Variants in IGSF21 observed in about 807,000 individuals in gnomAD.
The protein encoded by IGSF21 is immunoglobulin superfamily member 21.
IGSF21 carries 28 observed loss-of-function variants against 46.8 expected under a neutral mutation model. The ratio of observed to expected loss-of-function variants is 0.60; its 90% CI spans 0.44 to 0.82. IGSF21 has a LOEUF of 0.82. IGSF21 is among the 40% of genes least tolerant of loss of function. The probability of loss-of-function intolerance (pLI) is 0.00; values close to 1 mark genes in which losing one functional copy is unlikely to be tolerated. For synonymous variants in IGSF21, 284 were observed against 273.6 expected, an observed-to-expected ratio of 1.04 and a Z score of -0.38; for missense variants, 624 against 665.5, an observed-to-expected ratio of 0.94 and a Z score of 0.69.
In IGSF21 at chr1:18,204,800, G is replaced by T. The variant is rs557513046; in HGVS notation, c.71-23098G>T. Among the ~76,000 whole-genome samples, 21 of 152,298 alleles carry T rather than the reference G, an allele frequency of 1.4e-4. 1 individual carries two copies. In the South Asian group the frequency reaches 3.7e-3, roughly 27 times the overall value. Reference sequence around the variant, plus strand: ...TTCATGACCTGGTTTTAGCCCAGAGGCAGGGGGATGACTGAGTTGACCTTT... The same window carrying T: ...TTCATGACCTGGTTTTAGCCCAGAGTCAGGGGGATGACTGAGTTGACCTTT... On this transcript the variant is annotated intron_variant, in intron 1 of 9. Transcript: ENST00000251296.
chr1:18,252,160 C>A (rs1038360646), intron 2 of IGSF21, among the ~76,000 whole-genome samples: 2 of 147,102 alleles, frequency 1.4e-5, no homozygotes, highest in South Asian at 4.4e-4. Context: ...ATGCCATTCT[C>A]CTGCCTCAGC....
chr1:18,290,365 G>T lies in IGSF21; in HGVS notation c.184-1501G>T, dbSNP rs551521924. Among the ~76,000 whole-genome samples the T allele has an allele frequency of 6.6e-6, 1 of 152,326 alleles. No individual in the cohort carries two copies. Among genetic ancestry groups the T allele is most frequent in the Admixed American group, 6.5e-5 (1 of 15,308 alleles). On this transcript the variant is annotated intron_variant, in intron 2 of 9. Coordinates refer to ENST00000251296, the MANE Select transcript of IGSF21 (RefSeq NM_032880.5). This position sits in a 1 kb window ranked among gnomAD's most constrained non-coding sequence, Gnocchi z 4.2. ...TGTCGCTAAGTCCCGACAGAGATAG[G>T]AGGGGTGTGGGCTTACGGAGGGGTA...
At chr1:18,265,965 G>A (rs1392758387) in intron 2 of IGSF21, among the ~76,000 whole-genome samples, 1 of 152,196 alleles carries the variant, frequency 6.6e-6, no homozygotes, top group African/African-American at 2.4e-5. Flanking sequence ...CTGAGGGAGA[G>A]GCTTTTAGGG....
Position 18,365,710 on chromosome 1 carries a change from G to A in IGSF21, c.1015+13G>A, listed in dbSNP as rs1357959898. On this transcript the variant is annotated intron_variant, in intron 6 of 9. Coordinates refer to ENST00000251296, the MANE Select transcript of IGSF21 (RefSeq NM_032880.5). The surrounding 1 kb of genome is among the most constrained non-coding windows in gnomAD (Gnocchi z 4.8). ...GAGGTCACGCTGGGTAAGACTTGGT[G>A]GGGGCCCTTCTGTAGAGCCCTTGCA... 9 of 1,599,696 alleles carry A rather than the reference G, an allele frequency of 5.6e-6. No individual in the cohort carries two copies. Among genetic ancestry groups the A allele is most frequent in the African/African-American group, 1.3e-5 (1 of 74,780 alleles).
intron 4 of IGSF21, among the ~76,000 whole-genome samples, chr1:18,361,078 C>T (rs1306416677): frequency 6.6e-6 from 1 of 152,146 alleles, no homozygotes; most frequent in African/African-American, 2.4e-5. Context: ...AATAAGCCAA[C>T]TTCCAGAAAG....
At position 18,244,414 on chromosome 1, in the gene IGSF21, G is replaced by T. The variant is rs183154014; in HGVS notation, c.183+16404G>T. On this transcript the variant is annotated intron_variant, in intron 2 of 9. Transcript: ENST00000251296. ...TGTGATGGGCAGGACAGGAATCACG[G>T]TTTAAGGGGTTGTTGCAGGTGATGC... Among the ~76,000 whole-genome samples the T allele has an allele frequency of 1.2e-3, 179 of 152,336 alleles. 1 individual carries two copies. The highest frequency in any genetic ancestry group is 3.6e-3 in the African/African-American group (151 of 41,588).
intron 6 of IGSF21, among the ~76,000 whole-genome samples, chr1:18,371,806 CA>C (rs1273888458): frequency 6.6e-6 from 1 of 152,164 alleles, no homozygotes; most frequent in East Asian, 1.9e-4. Context: ...TGGTTCCTTC[CA>C]CCCCTTCTCT....
chr1:18,365,490 G>A lies in IGSF21; in HGVS notation c.808G>A (p.Val270Met), dbSNP rs779239010. Residue 270 changes from valine to methionine, a missense_variant, in exon 6 of 10, where the codon GTG (valine) becomes ATG (methionine). By Grantham distance (21) the Val-to-Met change is conservative (BLOSUM62 1). Transcript: ENST00000251296. This position sits in a 1 kb window ranked among gnomAD's most constrained non-coding sequence, Gnocchi z 4.8. ...PTTENIPETVVSREFPRWVHS... is the reference protein window; with the variant it reads ...PTTENIPETVMSREFPRWVHS... ...CACAGAGAACATACCAGAGACGGTC[G>A]TGAGCCGTGAGTTTCCCCGCTGGGT... The A allele has an allele frequency of 2.9e-5, 46 of 1,613,860 alleles. No individual in the cohort carries two copies. Among genetic ancestry groups the A allele is most frequent in the South Asian group, 4.4e-5 (4 of 91,048 alleles).
At chr1:18,253,585 G>T (rs2084863135) in intron 2 of IGSF21, among the ~76,000 whole-genome samples, 1 of 152,194 alleles carries the variant, frequency 6.6e-6, no homozygotes, top group Non-Finnish European at 1.5e-5. Context: ...TGCTTGGCAG[G>T]GAATCTGTCC....
At position 18,108,036 on chromosome 1, in the gene IGSF21, G is replaced by A; in HGVS notation, c.-93G>A. ...CCGCCACCGCCTCGGCCAGTGGCCGGAGGCAGGAGCGCGTCTGAGCCCATG... is the reference window on the plus strand; with the variant it reads ...CCGCCACCGCCTCGGCCAGTGGCCGAAGGCAGGAGCGCGTCTGAGCCCATG... On this transcript the variant is annotated 5_prime_UTR_variant, in exon 1 of 10. Transcript: ENST00000251296. The A allele has an allele frequency of 2.1e-6, 1 of 476,912 alleles. No homozygotes were observed. The highest frequency in any genetic ancestry group is 3.2e-6 in the Non-Finnish European group (1 of 314,802). The allele number at this position is 476,912 out of a possible 1,614,324, so 29.5% of individuals were successfully genotyped here.
At chr1:18,300,525 T>C (rs1049661429) in intron 3 of IGSF21, among the ~76,000 whole-genome samples, 6 of 151,952 alleles carry the variant, frequency 3.9e-5, no homozygotes, top group African/African-American at 1.2e-4. Flanking sequence ...GAGGCCAGAG[T>C]GAACTCACAG....
chr1:18,136,473 A>G (rs1412737417), intron 1 of IGSF21, among the ~76,000 whole-genome samples: 1 of 152,250 alleles, frequency 6.6e-6, no homozygotes, highest in Non-Finnish European at 1.5e-5. Flanking sequence ...AGCTTTCAAC[A>G]TATGGCTAGC....
At chr1:18,288,452 T>C (rs1010453976) in intron 2 of IGSF21, among the ~76,000 whole-genome samples, 1 of 152,214 alleles carries the variant, frequency 6.6e-6, no homozygotes. Context: ...AATAAGGTCG[T>C]AATGGGCTGC....
intron 1 of IGSF21, among the ~76,000 whole-genome samples, chr1:18,122,155 A>G (rs956539310): frequency 4.1e-5 from 6 of 146,862 alleles, no homozygotes; most frequent in African/African-American, 1.5e-4. Context: ...TCTATGTCTC[A>G]TCTGTGCTTT....
intron 6 of IGSF21, among the ~76,000 whole-genome samples, chr1:18,371,066 C>G (rs999297886): frequency 6.6e-6 from 1 of 152,200 alleles, no homozygotes; most frequent in Non-Finnish European, 1.5e-5. Context: ...CGATTTCACT[C>G]CTAGGTATTT....
Position 18,225,062 on chromosome 1 carries a change from A to ATCTCTCTCTCTCTCTCTCTC in IGSF21, c.71-2831_71-2812dup, listed in dbSNP as rs111721151. On this transcript the variant is annotated intron_variant, in intron 1 of 9. Transcript: ENST00000251296. Reference sequence around the variant, plus strand: ...CCTGGATGACAGAGTGAGACTCTGTATCTCTCTCTCTCTCTCTCTCTCTCA... The same window carrying ATCTCTCTCTCTCTCTCTCTC: ...CCTGGATGACAGAGTGAGACTCTGTATCTCTCTCTCTCTCTCTCTCTCTCTCTCTCTCTCTCTCTCTCTCA... Among the ~76,000 whole-genome samples the ATCTCTCTCTCTCTCTCTCTC allele has an allele frequency of 6.0e-4, 38 of 63,748 alleles. 3 individuals are homozygous for ATCTCTCTCTCTCTCTCTCTC. Among genetic ancestry groups the ATCTCTCTCTCTCTCTCTCTC allele is most frequent in the Middle Eastern group, 7.7e-3 (1 of 130 alleles). 41.8% of individuals were successfully genotyped at this position (63,748 alleles called of 152,430 possible). A position where few individuals can be genotyped will look rare whatever the true frequency, so the allele number is the denominator to read the frequency against.
rs145816723 is a variant in IGSF21 at position 18,246,151 on chromosome 1, G to C, written c.183+18141G>C. On this transcript the variant is annotated intron_variant, in intron 2 of 9. Transcript: ENST00000251296. ...CTCTTGAGCAGCATCCCAGCTCTGGGGGGTGTGAGATGGCATGGCAGCATG... is the reference window on the plus strand; with the variant it reads ...CTCTTGAGCAGCATCCCAGCTCTGGCGGGTGTGAGATGGCATGGCAGCATG... 7.9e-5 allele frequency among the ~76,000 whole-genome samples: 12 copies of C among 152,268 alleles called. 1 individual carries two copies. Among genetic ancestry groups the C allele is most frequent in the South Asian group, 6.2e-4 (3 of 4,818 alleles).
At chr1:18,163,074 G>A (rs911249109) in intron 1 of IGSF21, among the ~76,000 whole-genome samples, 1 of 152,162 alleles carries the variant, frequency 6.6e-6, no homozygotes, top group Non-Finnish European at 1.5e-5. Flanking sequence ...TGATTCTTCT[G>A]AATGAAAGAT....
At chr1:18,270,017 C>T (rs1160384768) in intron 2 of IGSF21, among the ~76,000 whole-genome samples, 6 of 152,184 alleles carry the variant, frequency 3.9e-5, no homozygotes, top group African/African-American at 1.4e-4. Context: ...CACCAACCAC[C>T]GCCCTTCACC....
Sources: allele counts gnomAD v4.1 joint callset (sites outside exome capture counted in the v4.1 genomes callset), GRCh38; gene constraint gnomAD v4.1.1; non-coding constraint Gnocchi (gnomAD v3.1); transcripts MANE v1.5; gene names NCBI Gene and HGNC (gene_info 2026-07-23, HGNC 2026-07-21).